The following APC2 variants were observed in gnomAD, a reference collection of about 807,000 sequenced individuals.
APC2 encodes the protein APC regulator of Wnt signaling pathway 2, also known as adenomatous polyposis coli protein 2.
A neutral mutation model predicts 72.5 loss-of-function variants in APC2; 41 were observed. That is an observed-to-expected ratio of 0.57 (90% CI 0.44 to 0.73). The LOEUF (loss-of-function observed/expected upper bound fraction) is 0.73, where lower values mean the gene tolerates loss of function less well. APC2 is among the 30% of genes least tolerant of loss of function. APC2 has a pLI of 0.00. For synonymous variants in APC2, 1,898 were observed against 1,612.0 expected, an observed-to-expected ratio of 1.18 and a Z score of -4.25; for missense variants, 3,729 against 3,403.4, an observed-to-expected ratio of 1.10 and a Z score of -2.38.
At chr19:1,453,668 G>A (rs1263077524) in intron 4 of APC2, 57 bp downstream of exon 4, 7 of 1,544,298 alleles carry the variant, frequency 4.5e-6, no homozygotes, top group African/African-American at 2.7e-5. Context: ...GGTCCCCAGC[G>A]GGCTCTGCCC....
chr19:1,460,831 G>A lies in APC2; in HGVS notation c.1495G>A (p.Ala499Thr). The change falls in exon 12 of 15, where the codon GCC (alanine) becomes ACC (threonine). Residue 499 changes from alanine (A) to threonine (T), a missense_variant. Physicochemically the swap from Ala to Thr is moderately conservative, Grantham distance 58 (BLOSUM62 0). Transcript: ENST00000590469. ...CATGGAGGCCATCGTGGCCCAGCTG[G>A]CCTCCGACAGTGAGGAGCTCCACCA... ...GCMEAIVAQL[A>T]SDSEELHQVV... 1.2e-6 allele frequency: 2 copies of A among 1,613,176 alleles called. No homozygotes were observed. Among genetic ancestry groups the A allele is most frequent in the Non-Finnish European group, 1.7e-6 (2 of 1,179,964 alleles).
In APC2 at chr19:1,468,690, C is replaced by T; in HGVS notation, c.5389C>T (p.Pro1797Ser). ...VLRGRTVIYV[P>S]SPAPRAQPKG... is the part of the protein sequence containing the mutation. The stretch of plus-strand genomic sequence containing the variant: ...CCGGGGACGAACAGTGATCTACGTC[C>T]CCAGCCCGGCACCCCGTGCCCAGCC... Residue 1797 changes from proline to serine, a missense_variant, in exon 15 of 15, where the codon CCC becomes TCC. Transcript: ENST00000590469. The T allele has an allele frequency of 1.3e-6, 2 of 1,553,612 alleles. No individual in the cohort carries two copies. Among genetic ancestry groups the T allele is most frequent in the Non-Finnish European group, 1.7e-6 (2 of 1,144,260 alleles).
intron 11 of APC2, 149 bp from the exon 12 acceptor site, chr19:1,460,631 C>T (rs1455543629): frequency 1.1e-6 from 1 of 933,208 alleles, no homozygotes; most frequent in Non-Finnish European, 1.6e-6. Flanking sequence ...AGTTTCCCGA[C>T]CTGAGCATGG....
At chr19:1,449,807 G>A (rs1334826007), upstream of APC2, among the ~76,000 whole-genome samples, 1 of 152,180 alleles carries the variant, frequency 6.6e-6, no homozygotes. Context: ...CCAAGATGCT[G>A]ATGTAACATC....
At position 1,472,696 on chromosome 19, in the gene APC2, G is replaced by A. The variant is rs1171195968; in HGVS notation, c.*2483G>A. The A allele has an allele frequency of 6.6e-6, 1 of 152,182 alleles. No homozygotes were observed. The highest frequency in any genetic ancestry group is 1.5e-5 in the Non-Finnish European group (1 of 68,088). The allele number at this position is 152,182 out of a possible 1,614,324, so 9.4% of individuals were successfully genotyped here. A position where few individuals can be genotyped will look rare whatever the true frequency, so the allele number is the denominator to read the frequency against. On this transcript the variant is annotated 3_prime_UTR_variant, in exon 15 of 15. Transcript: ENST00000590469. Reference sequence around the variant, plus strand: ...CCCAGTCCAGCTGTCTCCAGAAGGGGACAGGCAGTCCGCGGTCTCTGGACA... The same window carrying A: ...CCCAGTCCAGCTGTCTCCAGAAGGGAACAGGCAGTCCGCGGTCTCTGGACA...
chr19:1,458,426 C>T (rs563182187), intron 10 of APC2: 72 of 220,008 alleles, frequency 3.3e-4, no homozygotes, highest in African/African-American at 1.5e-3. Context: ...AACATCTTCT[C>T]TTTGTCAATA....
Position 1,470,510 on chromosome 19 carries a change from T to C in APC2, c.*297T>C, listed in dbSNP as rs866024936. On this transcript the variant is annotated 3_prime_UTR_variant, in exon 15 of 15. Coordinates refer to ENST00000590469, the MANE Select transcript of APC2 (RefSeq NM_005883.3). ...AGCCCTGAGCGCGCGGCCCTTCCCC[T>C]GTCGGAAGCCGTTGCTTGACCCCGG... 6.2e-6 allele frequency: 2 copies of C among 320,574 alleles called. No homozygotes were observed. Among genetic ancestry groups the C allele is most frequent in the Non-Finnish European group, 1.1e-5 (2 of 175,338 alleles). 19.9% of individuals were successfully genotyped at this position (320,574 alleles called of 1,614,324 possible). A position where few individuals can be genotyped will look rare whatever the true frequency, so the allele number is the denominator to read the frequency against.
rs2145246664 is a variant in APC2 at position 1,467,739 on chromosome 19, G to A, written c.4438G>A (p.Asp1480Asn). 1 of 1,439,064 alleles carries A rather than the reference G, an allele frequency of 6.9e-7. No homozygotes were observed. Among genetic ancestry groups the A allele is most frequent in the Non-Finnish European group, 9.1e-7 (1 of 1,104,554 alleles). 89.1% of individuals were successfully genotyped at this position (1,439,064 alleles called of 1,614,324 possible). A position where few individuals can be genotyped will look rare whatever the true frequency, so the allele number is the denominator to read the frequency against. The change falls in exon 15 of 15, where the codon GAC becomes AAC. Residue 1480 changes from aspartate to asparagine, a missense_variant. Physicochemically the swap from Asp to Asn is conservative, Grantham distance 23 (BLOSUM62 1). Transcript: ENST00000590469. ...GRPPSAPADK[D>N]GSKPGRTRGD... ...GCCCCCGAGCGCCCCCGCAGACAAG[G>A]ACGGCTCAAAGCCCGGCCGGACCCG...
chr19:1,467,975 C>A lies in APC2; in HGVS notation c.4674C>A (p.Ala1558=). ...CCCCGTCCAAGGCTGCACCAGCTGC[C>A]CCGCCGCCCGCCCGGACCCAGCCCA... The part of the protein sequence containing the change: ...APAPSKAAPA[A]PPPARTQPSL... Residue 1558 remains alanine, a synonymous_variant, in exon 15 of 15, where the codon GCC becomes GCA. Transcript: ENST00000590469. 1 of 1,579,352 alleles carries A rather than the reference C, an allele frequency of 6.3e-7. No homozygotes were observed. The highest frequency in any genetic ancestry group is 2.4e-5 in the East Asian group (1 of 42,264).
In APC2 at chr19:1,469,651, C is replaced by G; in HGVS notation, c.6350C>G (p.Ala2117Gly). Residue 2117 changes from alanine (A) to glycine (G), a missense_variant, in exon 15 of 15, where the codon GCG (alanine) becomes GGG (glycine). Ala to Gly is a moderately conservative substitution (Grantham distance 60, BLOSUM62 0). Transcript: ENST00000590469. ...CGCAGGCCCGACGGCGCCGTCCCCG[C>G]GGCCCCTGCCTCAGCCGACGCCGCG... The part of the protein sequence containing the change: ...VARRPDGAVP[A>G]APASADAARR... The G allele has an allele frequency of 1.6e-6, 2 of 1,236,228 alleles. No homozygotes were observed. The highest frequency in any genetic ancestry group is 2.0e-6 in the Non-Finnish European group (2 of 992,674). The allele number at this position is 1,236,228 out of a possible 1,614,324, so 76.6% of individuals were successfully genotyped here.
rs531805695 is a variant in APC2 at position 1,452,666 on chromosome 19, G to T, written c.-18-318G>T. ...TCCGGCTGTCAGGATGTGTCCTGGG[G>T]GCTGGGAAGGAGAGGCCGACCCATC... On this transcript the variant is annotated intron_variant, in intron 1 of 14. Coordinates refer to ENST00000590469, the MANE Select transcript of APC2 (RefSeq NM_005883.3). This position sits in a 1 kb window ranked among gnomAD's most constrained non-coding sequence, Gnocchi z 5.1. 2.8e-5 allele frequency: 9 copies of T among 324,256 alleles called. No individual in the cohort carries two copies. The highest frequency in any genetic ancestry group is 1.9e-4 in the African/African-American group (9 of 47,154). 20.1% of individuals were successfully genotyped at this position (324,256 alleles called of 1,614,324 possible).
intron 14 of APC2, among the ~76,000 whole-genome samples, chr19:1,464,349 AAG>A (rs1179169586): frequency 6.6e-6 from 1 of 151,998 alleles, no homozygotes; most frequent in Non-Finnish European, 1.5e-5. Context: ...GTTGTTAAAT[AAG>A]AAATATTAAA....
chr19:1,467,798 G>A lies in APC2; in HGVS notation c.4497G>A (p.Thr1499=), dbSNP rs1179927735. The A allele has an allele frequency of 4.8e-6, 7 of 1,453,060 alleles. No individual in the cohort carries two copies. The highest frequency in any genetic ancestry group is 2.5e-5 in the Admixed American group (1 of 39,836). The allele number at this position is 1,453,060 out of a possible 1,614,324, so 90.0% of individuals were successfully genotyped here. ...GDGALQSLCL[T]TPTEEAVYCF... ...GGGCGCTCCAGTCGCTGTGCCTCAC[G>A]ACGCCCACTGAGGAGGCCGTGTACT... Residue 1499 remains threonine (T), a synonymous_variant, in exon 15 of 15, where the codon ACG becomes ACA. Coordinates refer to ENST00000590469, the MANE Select transcript of APC2 (RefSeq NM_005883.3).
At position 1,465,594 on chromosome 19, in the gene APC2, G is replaced by A; in HGVS notation, c.2293G>A (p.Asp765Asn). Reference sequence around the variant, plus strand: ...GCCGCTGCCGCCCCTGCGACACCTGGACGGCCTGGCCCAAGACTATGCTTC... The same window carrying A: ...GCCGCTGCCGCCCCTGCGACACCTGAACGGCCTGGCCCAAGACTATGCTTC... ...KKPLPPLRHL[D>N]GLAQDYASDS... The change falls in exon 15 of 15, where the codon GAC (aspartate) becomes AAC (asparagine). Residue 765 changes from aspartate to asparagine, a missense_variant. Coordinates refer to ENST00000590469, the MANE Select transcript of APC2 (RefSeq NM_005883.3). 15 of 1,584,866 alleles carry A rather than the reference G, an allele frequency of 9.5e-6. No individual in the cohort carries two copies. Among genetic ancestry groups the A allele is most frequent in the Non-Finnish European group, 1.3e-5 (15 of 1,167,262 alleles).
In APC2 at chr19:1,465,789, GAGA is replaced by G. The variant is rs767535125; in HGVS notation, c.2491_2493del (p.Lys831del). The G allele has an allele frequency of 1.3e-5, 20 of 1,579,696 alleles. No homozygotes were observed. Among genetic ancestry groups the G allele is most frequent in the East Asian group, 4.6e-5 (2 of 43,588 alleles). Reference sequence around the variant, plus strand: ...CACCCGCCGAGGCGGCAAGGAGGCAGAGAAGGACACCAGTGGGGAGGCAGCCGT... The same window carrying G: ...CACCCGCCGAGGCGGCAAGGAGGCAGAGGACACCAGTGGGGAGGCAGCCGT... On this transcript the variant is annotated inframe_deletion, in exon 15 of 15. Coordinates refer to ENST00000590469, the MANE Select transcript of APC2 (RefSeq NM_005883.3).
Position 1,465,714 on chromosome 19 carries a change from T to C in APC2, c.2413T>C (p.Phe805Leu). ...EPASPAALSL[F>L]LGSPFLQGQA... ...AGCCAGCCCTGCCGCGCTGTCCCTC[T>C]TCCTGGGCAGCCCCTTCCTGCAGGG... is the stretch of plus-strand genomic sequence containing the variant. The change falls in exon 15 of 15, where the codon TTC (phenylalanine) becomes CTC (leucine). Residue 805 changes from phenylalanine to leucine, a missense_variant. Physicochemically the swap from Phe to Leu is conservative, Grantham distance 22. Coordinates refer to ENST00000590469, the MANE Select transcript of APC2 (RefSeq NM_005883.3). 1 of 1,570,438 alleles carries C rather than the reference T, an allele frequency of 6.4e-7. No individual in the cohort carries two copies. Among genetic ancestry groups the C allele is most frequent in the East Asian group, 2.4e-5 (1 of 42,348 alleles).
In APC2 at chr19:1,469,813, G is replaced by A. The variant is rs1199943199; in HGVS notation, c.6512G>A (p.Gly2171Asp). Residue 2171 changes from glycine (G) to aspartate (D), a missense_variant, in exon 15 of 15, where the codon GGC becomes GAC. Coordinates refer to ENST00000590469, the MANE Select transcript of APC2 (RefSeq NM_005883.3). ...CCCGCCACGGCCCTGCCACTGCGGGGCTCCACGCCCGAGGACGCCCCGGCC... is the reference window on the plus strand; with the variant it reads ...CCCGCCACGGCCCTGCCACTGCGGGACTCCACGCCCGAGGACGCCCCGGCC... ...TLPATALPLR[G>D]STPEDAPAGP... The A allele has an allele frequency of 2.6e-6, 4 of 1,520,702 alleles. No individual in the cohort carries two copies. Among genetic ancestry groups the A allele is most frequent in the South Asian group, 2.4e-5 (2 of 83,220 alleles). The allele number at this position is 1,520,702 out of a possible 1,614,324, so 94.2% of individuals were successfully genotyped here.
chr19:1,456,551 T>C (rs890858984), intron 8 of APC2, 147 bp downstream of exon 8: 6 of 925,588 alleles, frequency 6.5e-6, no homozygotes, highest in African/African-American at 1.7e-5. Flanking sequence ...GTGCAGCTCA[T>C]GCAGAAGCTG....
Position 1,468,443 on chromosome 19 carries a change from C to G in APC2, c.5142C>G (p.Ser1714=). 6.3e-7 allele frequency: 1 copy of G among 1,594,172 alleles called. No individual in the cohort carries two copies. Residue 1714 remains serine (S), a synonymous_variant, in exon 15 of 15, where the codon TCC becomes TCG. Transcript: ENST00000590469. The part of the protein sequence containing the change: ...AAATREASSE[S]DSILSFVSGL... ...CCACGCGGGAGGCCTCGTCCGAGTCCGACTCCATCCTGTCCTTCGTATCCG... is the reference window on the plus strand; with the variant it reads ...CCACGCGGGAGGCCTCGTCCGAGTCGGACTCCATCCTGTCCTTCGTATCCG...
Sources: allele counts gnomAD v4.1 joint callset (sites outside exome capture counted in the v4.1 genomes callset), GRCh38; gene constraint gnomAD v4.1.1; non-coding constraint Gnocchi (gnomAD v3.1); transcripts MANE v1.5; gene names NCBI Gene and HGNC (gene_info 2026-07-23, HGNC 2026-07-21).